MAGI1: variants seen among roughly 807,000 people sequenced by gnomAD.
The protein encoded by MAGI1 is membrane-associated guanylate kinase, WW and PDZ domain-containing protein 1.
In MAGI1, 58 loss-of-function variants were observed where a neutral mutation model predicts 139.9. That is an observed-to-expected ratio of 0.41 (90% CI 0.34 to 0.52). MAGI1 has a LOEUF of 0.52. MAGI1 is among the 20% of genes least tolerant of loss of function. MAGI1 has a pLI of 0.12. For synonymous variants in MAGI1, 812 were observed against 737.9 expected, an observed-to-expected ratio of 1.10 and a Z score of -1.63; for missense variants, 1,874 against 1,901.6, an observed-to-expected ratio of 0.99 and a Z score of 0.27.
rs145296888 is a variant in MAGI1 at position 66,019,467 on chromosome 3, C to T, written c.313+18529G>A. Among the ~76,000 whole-genome samples the T allele has an allele frequency of 9.8e-5, 15 of 152,334 alleles. No homozygotes were observed. The East Asian group carries it at 2.9e-3, about 29-fold the overall frequency. On this transcript the variant is annotated intron_variant, in intron 1 of 22. Transcript: ENST00000402939. ...AGTTGAAAACCACTGATCTTGAATACTATTTAACAGCACAGGCTCTGCAAT... is the reference window on the plus strand; with the variant it reads ...AGTTGAAAACCACTGATCTTGAATATTATTTAACAGCACAGGCTCTGCAAT...
chr3:65,573,490 C>T (rs1361800636), intron 2 of MAGI1, among the ~76,000 whole-genome samples: 1 of 151,810 alleles, frequency 6.6e-6, no homozygotes, highest in Non-Finnish European at 1.5e-5. Flanking sequence ...ATAGTCCTCT[C>T]AGTAGACACA....
At chr3:65,515,291 CTAAAACTTAAAGTA>C (rs953829542) in intron 2 of MAGI1, among the ~76,000 whole-genome samples, 3 of 151,298 alleles carry the variant, frequency 2.0e-5, no homozygotes, top group African/African-American at 7.3e-5. Context: ...CACATGTACC[CTAAAACTTAAAGTA>C]TAAAAAAAAA....
intron 1 of MAGI1, among the ~76,000 whole-genome samples, chr3:65,885,018 G>C (rs1430539065): frequency 3.3e-5 from 5 of 152,032 alleles, no homozygotes; most frequent in Non-Finnish European, 7.4e-5. Context: ...GTTTATGAAA[G>C]CACTTCAGAA....
chr3:65,964,392 G>A (rs1310164124), intron 1 of MAGI1, among the ~76,000 whole-genome samples: 2 of 152,124 alleles, frequency 1.3e-5, no homozygotes, highest in Non-Finnish European at 2.9e-5. Context: ...TCCAAACAGG[G>A]ACTTATATCT....
At chr3:65,802,938 T>C (rs1022746618) in intron 1 of MAGI1, among the ~76,000 whole-genome samples, 2 of 150,796 alleles carry the variant, frequency 1.3e-5, no homozygotes, top group East Asian at 4.0e-4. Flanking sequence ...ACAAATTTCA[T>C]CTCTATAACC....
intron 1 of MAGI1, among the ~76,000 whole-genome samples, chr3:65,710,555 G>C (rs1272584243): frequency 2.6e-5 from 4 of 152,054 alleles, no homozygotes; most frequent in Non-Finnish European, 2.9e-5. Flanking sequence ...GGGATTACAG[G>C]CGTGAGCCAC....
intron 1 of MAGI1, among the ~76,000 whole-genome samples, chr3:65,936,936 A>ATGG (rs1298345355): frequency 3.4e-5 from 5 of 147,884 alleles, no homozygotes; most frequent in African/African-American, 1.3e-4. Flanking sequence ...GGTGGTGGTG[A>ATGG]TGGTGGTGGT....
chr3:65,737,588 GT>G (rs2034880406), intron 1 of MAGI1, among the ~76,000 whole-genome samples: 2 of 152,180 alleles, frequency 1.3e-5, no homozygotes, highest in African/African-American at 2.4e-5. Context: ...AGCATGGCAG[GT>G]GGTAGCTCAC....
intron 12 of MAGI1, among the ~76,000 whole-genome samples, chr3:65,421,350 T>G (rs1946620499): frequency 6.6e-6 from 1 of 152,156 alleles, no homozygotes; most frequent in Non-Finnish European, 1.5e-5. Context: ...TTGAACAACT[T>G]TTAACAGCTA....
chr3:65,670,097 C>T (rs560348645), intron 1 of MAGI1, among the ~76,000 whole-genome samples: 1 of 152,102 alleles, frequency 6.6e-6, no homozygotes, highest in African/African-American at 2.4e-5. Flanking sequence ...TCGATTTTAG[C>T]AGAATTCATG....
intron 1 of MAGI1, among the ~76,000 whole-genome samples, chr3:65,741,341 A>G (rs979146595): frequency 2.0e-5 from 3 of 151,988 alleles, no homozygotes; most frequent in East Asian, 3.9e-4. Flanking sequence ...CGCTTGGCTA[A>G]TTTTTTGTAT....
In MAGI1 at chr3:65,773,087, T is replaced by C. The variant is rs2038086296; in HGVS notation, c.314-150999A>G. Among the ~76,000 whole-genome samples the C allele has an allele frequency of 2.0e-5, 3 of 152,146 alleles. No homozygotes were observed. The South Asian group carries it at 6.2e-4, about 32-fold the overall frequency. On this transcript the variant is annotated intron_variant, in intron 1 of 22. Coordinates refer to ENST00000402939, the MANE Select transcript of MAGI1 (RefSeq NM_001033057.2). ...CTCTACCTGCCTGGCAGGACTGTTG[T>C]AAGAAATAAATGAAATCATATATGT...
At chr3:65,719,412 A>AT (rs938385117) in intron 1 of MAGI1, among the ~76,000 whole-genome samples, 2 of 151,790 alleles carry the variant, frequency 1.3e-5, no homozygotes, top group Non-Finnish European at 2.9e-5. Context: ...ATTATGTATG[A>AT]TTTTTTTAAC....
At chr3:65,950,175 G>A (rs190705212) in intron 1 of MAGI1, among the ~76,000 whole-genome samples, 135 of 110,286 alleles carry the variant, frequency 1.2e-3, no homozygotes, top group Admixed American at 2.8e-3. Flanking sequence ...CAAAAGAAAC[G>A]AAAAGCCACA....
intron 4 of MAGI1, among the ~76,000 whole-genome samples, chr3:65,471,141 A>G (rs1381946721): frequency 6.6e-6 from 1 of 152,152 alleles, no homozygotes; most frequent in African/African-American, 2.4e-5. Context: ...CCAGAACAGT[A>G]TCATGTGGGT....
At chr3:65,739,352 G>A (rs1370980955) in intron 1 of MAGI1, among the ~76,000 whole-genome samples, 1 of 152,178 alleles carries the variant, frequency 6.6e-6, no homozygotes, top group Non-Finnish European at 1.5e-5. Flanking sequence ...TTTGGCTTAA[G>A]GAAATGTTGT....
At chr3:65,975,430 T>C (rs774448620) in intron 1 of MAGI1, among the ~76,000 whole-genome samples, 9 of 152,160 alleles carry the variant, frequency 5.9e-5, no homozygotes, top group Non-Finnish European at 1.3e-4. Context: ...AAATACTTTC[T>C]AGAATGCCTT....
At chr3:65,786,902 A>G (rs1251693328) in intron 1 of MAGI1, among the ~76,000 whole-genome samples, 1 of 152,136 alleles carries the variant, frequency 6.6e-6, no homozygotes, top group Non-Finnish European at 1.5e-5. Context: ...GGTGTGAGCC[A>G]CCGCGCAAGA....
chr3:65,547,657 T>C (rs576479158), intron 2 of MAGI1, among the ~76,000 whole-genome samples: 1 of 152,210 alleles, frequency 6.6e-6, no homozygotes, highest in South Asian at 2.1e-4. Flanking sequence ...ACATGGTAGC[T>C]GTGTGCACTG....
Sources: allele counts gnomAD v4.1 joint callset (sites outside exome capture counted in the v4.1 genomes callset), GRCh38; gene constraint gnomAD v4.1.1; transcripts MANE v1.5; gene names NCBI Gene and HGNC (gene_info 2026-07-23, HGNC 2026-07-21).